KANSL1: variants seen among roughly 807,000 people sequenced by gnomAD.
KANSL1 encodes MLL1/MLL complex subunit KANSL1.
KANSL1 carries 22 observed loss-of-function variants against 103.6 expected under a neutral mutation model. The ratio of observed to expected loss-of-function variants is 0.21; its 90% CI spans 0.15 to 0.30. KANSL1 has a LOEUF of 0.30. KANSL1 is among the 10% of genes least tolerant of loss of function. The pLI is 1.00. For synonymous variants in KANSL1, 600 were observed against 527.6 expected (o/e 1.14, Z -1.88); for missense variants, 1,337 against 1,399.8 (o/e 0.96, Z 0.72).
intron 6 of KANSL1, among the ~76,000 whole-genome samples, chr17:46,065,503 A>G: frequency 6.6e-6 from 1 of 152,218 alleles, no homozygotes; most frequent in Middle Eastern, 3.2e-3. Context: ...CGAGGAACTT[A>G]TCAACCAGAC....
At chr17:46,223,520 T>C (rs2048594481) in intron 1 of KANSL1, 2 of 146,846 alleles carry the variant, frequency 1.4e-5, no homozygotes, top group South Asian at 2.1e-4. Flanking sequence ...AAGTAAAATA[T>C]AGCCAATCAA....
intron 2 of KANSL1, among the ~76,000 whole-genome samples, chr17:46,114,822 C>G (rs1264278114): frequency 6.6e-6 from 1 of 152,166 alleles, no homozygotes; most frequent in Non-Finnish European, 1.5e-5. Context: ...GTTTATCAGA[C>G]AAGTGTATAA....
At chr17:46,145,006 T>A (rs182017110) in intron 2 of KANSL1, among the ~76,000 whole-genome samples, 1 of 152,338 alleles carries the variant, frequency 6.6e-6, no homozygotes, top group East Asian at 1.9e-4. Context: ...TTCTTAACAG[T>A]GAGAATGAAG....
At chr17:46,195,597 C>T (rs1302310734), upstream of KANSL1, among the ~76,000 whole-genome samples, 2 of 152,232 alleles carry the variant, frequency 1.3e-5, no homozygotes, top group African/African-American at 4.8e-5. Flanking sequence ...GGGTCCTGCT[C>T]GGTTGCCCAG....
At chr17:46,086,045 T>C (rs55864131) in intron 3 of KANSL1, among the ~76,000 whole-genome samples, 21,812 of 152,306 alleles carry the variant, frequency 0.14, 2,130 homozygotes, top group Non-Finnish European at 0.22. Flanking sequence ...AGCAAATATT[T>C]GTTGAGTTGT....
intron 2 of KANSL1, among the ~76,000 whole-genome samples, chr17:46,147,956 T>C (rs1382926711): frequency 6.6e-6 from 1 of 152,240 alleles, no homozygotes; most frequent in African/African-American, 2.4e-5. Context: ...TTGACCTTGG[T>C]AGCTGTGGAA....
intron 2 of KANSL1, among the ~76,000 whole-genome samples, chr17:46,157,900 G>GA (rs2045516279): frequency 6.6e-6 from 1 of 152,240 alleles, no homozygotes; most frequent in African/African-American, 2.4e-5. Context: ...ATACTTGCTG[G>GA]AAAAATATGC....
intron 2 of KANSL1, among the ~76,000 whole-genome samples, chr17:46,122,476 A>G (rs2043324277): frequency 6.6e-6 from 1 of 152,238 alleles, no homozygotes; most frequent in Admixed American, 6.5e-5. Context: ...TATTCCTAAC[A>G]AAAGTACCAC....
At chr17:46,041,914 AT>A (rs879585962) in intron 7 of KANSL1, 51 of 91,790 alleles carry the variant, frequency 5.6e-4, no homozygotes, top group Middle Eastern at 0.015. Context: ...GTGTGTGTAT[AT>A]TTTTTTTTTT....
At chr17:46,089,398 CTT>C (rs377351806) in intron 3 of KANSL1, among the ~76,000 whole-genome samples, 2 of 145,338 alleles carry the variant, frequency 1.4e-5, no homozygotes. Context: ...GTCACAAATA[CTT>C]TTTTTTTTTT....
At chr17:46,087,871 C>T (rs1327158835) in intron 3 of KANSL1, among the ~76,000 whole-genome samples, 1 of 152,152 alleles carries the variant, frequency 6.6e-6, no homozygotes, top group Non-Finnish European at 1.5e-5. Context: ...GCTGAGAAAA[C>T]TTCATAATGT....
At chr17:46,202,673 T>C (rs898463825) in intron 1 of KANSL1, among the ~76,000 whole-genome samples, 6 of 152,182 alleles carry the variant, frequency 3.9e-5, no homozygotes, top group Non-Finnish European at 8.8e-5. Context: ...ATTCAGGAAA[T>C]GCTAAAGGTC....
At chr17:46,191,157 G>GA (rs1198664524) in intron 1 of KANSL1, among the ~76,000 whole-genome samples, 1 of 152,138 alleles carries the variant, frequency 6.6e-6, no homozygotes, top group Non-Finnish European at 1.5e-5. Context: ...CCAATTATGG[G>GA]AAAAACTGAT....
At chr17:46,155,441 A>G (rs895636273) in intron 2 of KANSL1, among the ~76,000 whole-genome samples, 7 of 152,190 alleles carry the variant, frequency 4.6e-5, no homozygotes, top group Non-Finnish European at 1.0e-4. Context: ...TACAGGTGTG[A>G]ACCGCTGCTC....
chr17:46,126,775 T>C (rs1013520344), intron 2 of KANSL1, among the ~76,000 whole-genome samples: 4 of 152,174 alleles, frequency 2.6e-5, no homozygotes, highest in African/African-American at 9.7e-5. Flanking sequence ...AAAATTTGAT[T>C]ACCCTAAAAA....
Position 46,132,836 on chromosome 17 carries a change from G to A in KANSL1, c.1289+38019C>T, listed in dbSNP as rs150437759. On this transcript the variant is annotated intron_variant, in intron 2 of 14. Coordinates refer to ENST00000432791, the MANE Select transcript of KANSL1 (RefSeq NM_015443.4). ...CATGTGCCTATAGTCCTAGCTGCTCGGGAGGCTGAGGCAGAAGGATCACTT... is the reference window on the plus strand; with the variant it reads ...CATGTGCCTATAGTCCTAGCTGCTCAGGAGGCTGAGGCAGAAGGATCACTT... 1.8e-3 allele frequency among the ~76,000 whole-genome samples: 268 copies of A among 152,228 alleles called. 1 individual carries two copies. The highest frequency in any genetic ancestry group is 5.1e-3 in the African/African-American group (212 of 41,528).
chr17:46,107,390 CTGT>C (rs1314837068), intron 2 of KANSL1, among the ~76,000 whole-genome samples: 4 of 152,238 alleles, frequency 2.6e-5, no homozygotes, highest in Non-Finnish European at 5.9e-5. Flanking sequence ...ATGACCTCCA[CTGT>C]ACTAAATCCA....
At chr17:46,043,781 T>C (rs1425878312) in intron 7 of KANSL1, 1 of 152,214 alleles carries the variant, frequency 6.6e-6, no homozygotes, top group Non-Finnish European at 1.5e-5. Flanking sequence ...TAAGTGCAAG[T>C]TGGCACATTG....
At chr17:46,076,590 A>C (rs538225222) in intron 4 of KANSL1, among the ~76,000 whole-genome samples, 12 of 151,730 alleles carry the variant, frequency 7.9e-5, no homozygotes, top group Non-Finnish European at 1.6e-4. Context: ...ACCAAAAACA[A>C]CACAACATAA....
Sources: gnomAD v4.1 joint callset for allele counts (sites outside exome capture counted in the v4.1 genomes callset) on GRCh38, gnomAD v4.1.1 for gene constraint, MANE v1.5 for transcripts, NCBI Gene and HGNC (gene_info 2026-07-23, HGNC 2026-07-21) for gene names.